GPC5: variants seen among roughly 807,000 people sequenced by gnomAD.
The protein encoded by GPC5 is glypican-5.
Under a neutral mutation model 53.9 loss-of-function variants are expected in GPC5, and 47 were observed. The ratio of observed to expected loss-of-function variants is 0.87; its 90% CI spans 0.69 to 1.11. The LOEUF is 1.11. GPC5 is among the 50% of genes most tolerant of loss of function. GPC5 has a pLI of 0.00. For missense variants in GPC5, 748 were observed against 713.1 expected (o/e 1.05, Z -0.56); for synonymous variants, 286 against 263.3 (o/e 1.09, Z -0.84).
intron 2 of GPC5, among the ~76,000 whole-genome samples, chr13:91,673,897 T>C (rs2035307944): frequency 6.6e-6 from 1 of 152,218 alleles, no homozygotes; most frequent in African/African-American, 2.4e-5. Flanking sequence ...AGTGTTATCA[T>C]TGTAAAAGCA....
intron 7 of GPC5, among the ~76,000 whole-genome samples, chr13:92,703,117 C>G (rs889517798): frequency 1.3e-5 from 2 of 151,132 alleles, no homozygotes; most frequent in Non-Finnish European, 2.9e-5. Context: ...TTCGAATGCA[C>G]TATGTAATGT....
intron 7 of GPC5, among the ~76,000 whole-genome samples, chr13:92,829,090 G>A (rs1877956640): frequency 6.6e-6 from 1 of 152,124 alleles, no homozygotes; most frequent in Non-Finnish European, 1.5e-5. Flanking sequence ...AAGAATCTAA[G>A]TTAGGAATGG....
chr13:92,821,561 T>C (rs1877676092), intron 7 of GPC5, among the ~76,000 whole-genome samples: 1 of 152,000 alleles, frequency 6.6e-6, no homozygotes, highest in Non-Finnish European at 1.5e-5. Context: ...ACAGCTGACA[T>C]TGGAAGCCTG....
At chr13:92,581,456 T>C (rs1233384605) in intron 7 of GPC5, among the ~76,000 whole-genome samples, 2 of 152,228 alleles carry the variant, frequency 1.3e-5, no homozygotes, top group Admixed American at 6.5e-5. Context: ...ACATTTTCTT[T>C]ATCCATTCAT....
At chr13:91,698,397 ACTT>A (rs1566619383) in intron 3 of GPC5, among the ~76,000 whole-genome samples, 3 of 152,128 alleles carry the variant, frequency 2.0e-5, no homozygotes, top group Admixed American at 6.5e-5. Context: ...ATATCTTATC[ACTT>A]CTTCTGTACA....
At chr13:91,532,238 T>C (rs17321293) in intron 2 of GPC5, among the ~76,000 whole-genome samples, 13,670 of 152,224 alleles carry the variant, frequency 0.09, 775 homozygotes, top group Middle Eastern at 0.14. Context: ...GCAAATGGTA[T>C]TGAAAAGGGA....
intron 7 of GPC5, among the ~76,000 whole-genome samples, chr13:92,269,190 T>C (rs2042823147): frequency 6.6e-6 from 1 of 152,148 alleles, no homozygotes; most frequent in South Asian, 2.1e-4. Flanking sequence ...TCTTATATAA[T>C]GCTTGGATCC....
intron 4 of GPC5, among the ~76,000 whole-genome samples, chr13:91,735,075 G>A (rs2036785232): frequency 6.6e-6 from 1 of 150,960 alleles, no homozygotes; most frequent in Non-Finnish European, 1.5e-5. Context: ...AAAGTGATTA[G>A]TAACTTAGTC....
intron 6 of GPC5, among the ~76,000 whole-genome samples, chr13:92,045,691 T>C: frequency 6.6e-6 from 1 of 152,168 alleles, no homozygotes; most frequent in African/African-American, 2.4e-5. Context: ...TTAATGTCAC[T>C]AGAGAAGATG....
chr13:92,486,422 C>T (rs1212925102), intron 7 of GPC5, among the ~76,000 whole-genome samples: 2 of 152,000 alleles, frequency 1.3e-5, no homozygotes, highest in South Asian at 2.1e-4. Context: ...AAATAGAAAC[C>T]ACATCGAACT....
intron 6 of GPC5, among the ~76,000 whole-genome samples, chr13:92,089,652 GA>G (rs1379591396): frequency 1.3e-5 from 2 of 152,084 alleles, no homozygotes; most frequent in Non-Finnish European, 2.9e-5. Flanking sequence ...CAGTGTGATA[GA>G]AATGCAAACT....
chr13:92,736,807 A>ATTTT (rs11425108), intron 7 of GPC5, among the ~76,000 whole-genome samples: 3 of 148,854 alleles, frequency 2.0e-5, no homozygotes, highest in African/African-American at 7.4e-5. Flanking sequence ...GCTGTAGCCT[A>ATTTT]TTTTTTTTTT....
chr13:91,869,105 G>A (rs541493041), intron 5 of GPC5, among the ~76,000 whole-genome samples: 1 of 152,068 alleles, frequency 6.6e-6, no homozygotes, highest in Non-Finnish European at 1.5e-5. Flanking sequence ...GTGCATTGGC[G>A]TGGGAGTGCC....
intron 2 of GPC5, among the ~76,000 whole-genome samples, chr13:91,478,795 T>TTATATATATATATATATATATATA (rs757436599): frequency 1.8e-5 from 1 of 55,394 alleles, no homozygotes. Flanking sequence ...CCATTTGAGT[T>TTATATATATATATATATATATATA]TATATATATA....
chr13:92,062,095 C>T (rs1404385947), intron 6 of GPC5, among the ~76,000 whole-genome samples: 1 of 151,436 alleles, frequency 6.6e-6, no homozygotes, highest in Non-Finnish European at 1.5e-5. Flanking sequence ...GTAATGATGT[C>T]AAAGAAAGAA....
Position 91,438,212 on chromosome 13 carries a change from G to A in GPC5, c.164-10549G>A, listed in dbSNP as rs528246916. Among the ~76,000 whole-genome samples, 26 of 152,234 alleles carry A rather than the reference G, an allele frequency of 1.7e-4. No homozygotes were observed. In the East Asian group the frequency reaches 2.7e-3, roughly 16 times the overall value. ...TGTTCCATTGCTGGTGAGAAGCTGC[G>A]TTCCTTTGGAGGAGGAGAGGCACTC... On this transcript the variant is annotated intron_variant, in intron 1 of 7. Transcript: ENST00000377067.
intron 7 of GPC5, among the ~76,000 whole-genome samples, chr13:92,636,408 C>G (rs550268252): frequency 2.5e-4 from 38 of 152,240 alleles, no homozygotes; most frequent in African/African-American, 8.9e-4. Context: ...TAGCTATGCT[C>G]TCTGTATTTT....
Position 92,527,239 on chromosome 13 carries a change from AAGAAAGAAAGAG to A in GPC5, c.1562-339041_1562-339030del, listed in dbSNP as rs1566277177. Among the ~76,000 whole-genome samples the A allele has an allele frequency of 5.0e-5, 2 of 40,360 alleles. 1 individual carries two copies. Among genetic ancestry groups the A allele is most frequent in the African/African-American group, 2.5e-4 (2 of 7,898 alleles). 26.5% of individuals were successfully genotyped at this position (40,360 alleles called of 152,430 possible). On this transcript the variant is annotated intron_variant, in intron 7 of 7. Coordinates refer to ENST00000377067, the MANE Select transcript of GPC5 (RefSeq NM_004466.6). Reference sequence around the variant, plus strand: ...AAAGAAAGAAAGAAAGAAAGAAAGAAAGAAAGAAAGAGAAAGAAAGAAAGAAAGAAAGAAAGA... The same window carrying A: ...AAAGAAAGAAAGAAAGAAAGAAAGAAAAAGAAAGAAAGAAAGAAAGAAAGA...
At chr13:91,934,095 A>G (rs2039847469) in intron 6 of GPC5, among the ~76,000 whole-genome samples, 1 of 151,884 alleles carries the variant, frequency 6.6e-6, no homozygotes, top group Admixed American at 6.6e-5. Flanking sequence ...TAAGGAATTT[A>G]TTTTTAAAAG....
Sources: gnomAD v4.1 joint callset for allele counts (sites outside exome capture counted in the v4.1 genomes callset) on GRCh38, gnomAD v4.1.1 for gene constraint, MANE v1.5 for transcripts, NCBI Gene and HGNC (gene_info 2026-07-23, HGNC 2026-07-21) for gene names.